The following RERE variants were observed in gnomAD, a reference collection of about 807,000 sequenced individuals.
RERE encodes the protein arginine-glutamic acid dipeptide repeats protein.
RERE carries 40 observed loss-of-function variants against 146.1 expected under a neutral mutation model. That is an observed-to-expected ratio of 0.27 (90% CI 0.21 to 0.36). The LOEUF is 0.36. Among genes scored for constraint, RERE ranks in the 10% least tolerant of loss-of-function variants. RERE has a pLI of 1.00. For missense variants in RERE, 1,933 were observed against 2,138.7 expected (o/e 0.90, Z 1.90); for synonymous variants, 1,003 against 866.0 (o/e 1.16, Z -2.78).
In RERE at chr1:8,666,197, TAGG is replaced by T. The variant is rs774507647; in HGVS notation, c.-144-9759_-144-9757del. On this transcript the variant is annotated intron_variant, in intron 1 of 22. Transcript: ENST00000400908. Reference sequence around the variant, plus strand: ...TAGGAACATTCATCTTATCTGGCAGTAGGAGATGTTTTCCACCAAGAGTTGTTA... The same window carrying T: ...TAGGAACATTCATCTTATCTGGCAGTAGATGTTTTCCACCAAGAGTTGTTA... Among the ~76,000 whole-genome samples the T allele has an allele frequency of 6.6e-5, 10 of 152,368 alleles. No homozygotes were observed. In the East Asian group the frequency reaches 1.3e-3, roughly 21 times the overall value.
At chr1:8,787,665 T>C (rs1443912776) in intron 1 of RERE, among the ~76,000 whole-genome samples, 1 of 151,934 alleles carries the variant, frequency 6.6e-6, no homozygotes, top group Non-Finnish European at 1.5e-5. Context: ...ACCTCGTCTC[T>C]ACTAAAATTA....
rs571365804 is a variant in RERE at position 8,701,515 on chromosome 1, G to A, written c.-144-45074C>T. Among the ~76,000 whole-genome samples the A allele has an allele frequency of 1.8e-4, 27 of 152,250 alleles. No homozygotes were observed. The South Asian group carries it at 5.4e-3, about 30-fold the overall frequency. ...CAAAAATCTAAACGGCCTTTTTCTG[G>A]AAATCTTAGAGTGAATGAATGTGGG... On this transcript the variant is annotated intron_variant, in intron 1 of 22. Transcript: ENST00000400908.
chr1:8,701,308 ACACACACACACACACG>A (rs879306833), intron 1 of RERE, among the ~76,000 whole-genome samples: 8,275 of 106,948 alleles, frequency 0.077, 463 homozygotes, highest in African/African-American at 0.23. Context: ...ACACACACAC[ACACACACACACACACG>A]CACACACTCC....
intron 6 of RERE, among the ~76,000 whole-genome samples, chr1:8,549,019 G>T: frequency 6.6e-6 from 1 of 152,110 alleles, no homozygotes; most frequent in Non-Finnish European, 1.5e-5. Flanking sequence ...GTGTTGGACT[G>T]GAATTGAAAT....
chr1:8,364,860 TG>T lies in RERE; in HGVS notation c.1448-23del, dbSNP rs754801583. On this transcript the variant is annotated intron_variant, in intron 13 of 22. Coordinates refer to ENST00000400908, the MANE Select transcript of RERE (RefSeq NM_001042681.2). The surrounding 1 kb of genome is among the most constrained non-coding windows in gnomAD (Gnocchi z 5.1). ...TCCACTGGGCGTGGCAGGCACATAG[TG>T]GGGGTGGGGGAGACACCATCATGCT... The T allele has an allele frequency of 5.8e-5, 60 of 1,043,036 alleles. No individual in the cohort carries two copies. The highest frequency in any genetic ancestry group is 9.2e-5 in the African/African-American group (3 of 32,782). The allele number at this position is 1,043,036 out of a possible 1,614,324, so 64.6% of individuals were successfully genotyped here.
rs986816478 is a variant in RERE, at chr1:8,807,972, T to C, written c.-145+9188A>G. The stretch of plus-strand genomic sequence containing the variant: ...CTTCTAATTTCCTACTTGCCATTGT[T>C]CTACTTATATAAATCTCCTTCAGAG... On this transcript the variant is annotated intron_variant, in intron 1 of 22. Coordinates refer to ENST00000400908, the MANE Select transcript of RERE (RefSeq NM_001042681.2). Among the ~76,000 whole-genome samples, 21 of 152,010 alleles carry C rather than the reference T, an allele frequency of 1.4e-4. 1 individual carries two copies. Among genetic ancestry groups the C allele is most frequent in the Admixed American group, 1.2e-3 (19 of 15,242 alleles).
intron 4 of RERE, among the ~76,000 whole-genome samples, chr1:8,590,496 G>A (rs1646479467): frequency 6.6e-6 from 1 of 152,124 alleles, no homozygotes; most frequent in South Asian, 2.1e-4. Flanking sequence ...TTATGAAACT[G>A]CAGAGACTTC....
At chr1:8,357,248 G>A (rs1641331927) in intron 20 of RERE, among the ~76,000 whole-genome samples, 1 of 152,256 alleles carries the variant, frequency 6.6e-6, no homozygotes, top group Non-Finnish European at 1.5e-5. Context: ...AATGATGCAT[G>A]AATGAACAAA....
At chr1:8,388,421 G>A (rs924580520) in intron 12 of RERE, among the ~76,000 whole-genome samples, 1 of 151,808 alleles carries the variant, frequency 6.6e-6, no homozygotes, top group African/African-American at 2.4e-5. Flanking sequence ...CCGGGTTCAC[G>A]CCATTCTCCT....
At chr1:8,635,155 TACAACTATTCA>T (rs1325207290) in intron 2 of RERE, among the ~76,000 whole-genome samples, 4 of 152,272 alleles carry the variant, frequency 2.6e-5, no homozygotes, top group Non-Finnish European at 4.4e-5. Flanking sequence ...AATGTCATTT[TACAACTATTCA>T]ACAGGTATTT....
At chr1:8,607,139 T>G (rs1195977172) in intron 4 of RERE, among the ~76,000 whole-genome samples, 1 of 152,104 alleles carries the variant, frequency 6.6e-6, no homozygotes, top group Non-Finnish European at 1.5e-5. Context: ...GGCAGGTGAA[T>G]TCTTTGAGCC....
intron 1 of RERE, chr1:8,786,806 C>T (rs551075660): frequency 2.4e-6 from 2 of 820,748 alleles, no homozygotes; most frequent in East Asian, 4.8e-5. Flanking sequence ...TCCCTCCTTG[C>T]CTTTCAAAGC....
At chr1:8,745,402 A>C (rs1640400022) in intron 1 of RERE, among the ~76,000 whole-genome samples, 1 of 152,198 alleles carries the variant, frequency 6.6e-6, no homozygotes, top group Non-Finnish European at 1.5e-5. Flanking sequence ...TAGCAGTGCA[A>C]AGACAGACTA....
intron 4 of RERE, among the ~76,000 whole-genome samples, chr1:8,577,531 C>T (rs866807693): frequency 5.3e-5 from 8 of 152,166 alleles, no homozygotes; most frequent in South Asian, 2.1e-4. Flanking sequence ...AGAAGTTACA[C>T]GTTTTCAACT....
chr1:8,517,577 T>C (rs1645436428), intron 7 of RERE, among the ~76,000 whole-genome samples: 1 of 152,254 alleles, frequency 6.6e-6, no homozygotes, highest in Non-Finnish European at 1.5e-5. Context: ...TCAGCCTACA[T>C]TATTCTACAA....
At chr1:8,808,768 A>G (rs1362186783) in intron 1 of RERE, among the ~76,000 whole-genome samples, 2 of 152,182 alleles carry the variant, frequency 1.3e-5, no homozygotes, top group African/African-American at 4.8e-5. Flanking sequence ...CAAGGAGGCA[A>G]AAGACAACAC....
At chr1:8,738,493 G>A (rs879737651) in intron 1 of RERE, among the ~76,000 whole-genome samples, 12 of 151,712 alleles carry the variant, frequency 7.9e-5, no homozygotes, top group South Asian at 2.1e-4. Context: ...GCCTATTCAC[G>A]CCTTTCTGAC....
chr1:8,455,871 G>A (rs1644447499), intron 11 of RERE, among the ~76,000 whole-genome samples: 1 of 152,124 alleles, frequency 6.6e-6, no homozygotes, highest in Non-Finnish European at 1.5e-5. Context: ...GTGACGTCCC[G>A]GCCTTCATCA....
chr1:8,355,230 C>A (rs1889853), intron 22 of RERE, 110 bp from the exon 23 acceptor site: 268,069 of 1,253,606 alleles, frequency 0.21, 30,381 homozygotes, highest in Middle Eastern at 0.3. Context: ...CCCAAGCCCG[C>A]AGCCTCCTGT....
Sources: allele counts gnomAD v4.1 joint callset (sites outside exome capture counted in the v4.1 genomes callset), GRCh38; gene constraint gnomAD v4.1.1; non-coding constraint Gnocchi (gnomAD v3.1); transcripts MANE v1.5; gene names NCBI Gene and HGNC (gene_info 2026-07-23, HGNC 2026-07-21).